The following RANBP2 variants were observed in gnomAD, a reference collection of about 807,000 sequenced individuals.
The protein encoded by RANBP2 is E3 SUMO-protein ligase RanBP2.
Under a neutral mutation model 303.6 loss-of-function variants are expected in RANBP2, and 57 were observed. The observed-to-expected ratio is 0.19, with a 90% CI of 0.15 to 0.23. The LOEUF is 0.23. RANBP2 is among the 10% of genes least tolerant of loss of function. RANBP2 has a pLI of 1.00. For synonymous variants in RANBP2, 1,167 were observed against 1,301.5 expected (o/e 0.90, Z 2.23); for missense variants, 3,138 against 3,780.8 (o/e 0.83, Z 4.46).
At chr2:108,798,816 TACACAC>T in the RANBP2 span, among the ~76,000 whole-genome samples, 530 of 131,632 alleles carry the variant, frequency 4.0e-3, 2 homozygotes, top group African/African-American at 0.012. Context: ...TCTCCACACC[TACACAC>T]ACACACACAC....
chr2:108,917,224 G>C, the RANBP2 span, among the ~76,000 whole-genome samples: 2 of 152,170 alleles, frequency 1.3e-5, no homozygotes, highest in African/African-American at 4.8e-5. Context: ...CGCGCGGCTC[G>C]TGTGGAAGCC....
chr2:109,198,122 G>A, the RANBP2 span, among the ~76,000 whole-genome samples: 2 of 152,168 alleles, frequency 1.3e-5, no homozygotes, highest in African/African-American at 4.8e-5. Flanking sequence ...AAGTCTCTCA[G>A]TACCCTAAGC....
the RANBP2 span, among the ~76,000 whole-genome samples, chr2:108,808,159 CT>C: frequency 2.6e-5 from 4 of 152,026 alleles, no homozygotes; most frequent in Non-Finnish European, 4.4e-5. Context: ...AGATTTTGTT[CT>C]TTTTCATAGC....
chr2:108,761,705 G>C (rs1166020022), intron 18 of RANBP2, among the ~76,000 whole-genome samples: 1 of 151,936 alleles, frequency 6.6e-6, no homozygotes, highest in African/African-American at 2.4e-5. Context: ...AGATTTTCTA[G>C]GCCCACTTCA....
At chr2:109,197,771 C>A in the RANBP2 span, among the ~76,000 whole-genome samples, 11 of 152,194 alleles carry the variant, frequency 7.2e-5, no homozygotes, top group Non-Finnish European at 1.5e-4. Flanking sequence ...ACTGGCCCTG[C>A]CTGAGGAAGC....
At chr2:109,435,394 A>G in the RANBP2 span, among the ~76,000 whole-genome samples, 1 of 152,258 alleles carries the variant, frequency 6.6e-6, no homozygotes, top group African/African-American at 2.4e-5. Context: ...CTTATCTGGC[A>G]GTGATTGGAG....
chr2:109,324,425 C>A, the RANBP2 span, among the ~76,000 whole-genome samples: 3 of 152,200 alleles, frequency 2.0e-5, no homozygotes, highest in Non-Finnish European at 4.4e-5. Flanking sequence ...TATGACATTC[C>A]AGTTTCTCCA....
chr2:109,239,222 C>T, the RANBP2 span, among the ~76,000 whole-genome samples: 1 of 151,836 alleles, frequency 6.6e-6, no homozygotes, highest in South Asian at 2.1e-4. Flanking sequence ...AGCTGGGGTC[C>T]GTAAATACGG....
the RANBP2 span, among the ~76,000 whole-genome samples, chr2:108,819,397 C>T: frequency 1.3e-5 from 2 of 152,234 alleles, no homozygotes; most frequent in Admixed American, 6.5e-5. Flanking sequence ...AAAGTCTGCC[C>T]ACAGGACTGG....
the RANBP2 span, chr2:108,812,530 G>T: frequency 1.2e-6 from 1 of 815,052 alleles, no homozygotes. Context: ...TTGTTACATT[G>T]GTTAGTAATA....
At chr2:108,719,940 G>C (rs1230848328) in intron 1 of RANBP2, among the ~76,000 whole-genome samples, 1 of 151,416 alleles carries the variant, frequency 6.6e-6, no homozygotes, top group Non-Finnish European at 1.5e-5. Flanking sequence ...GACGGTGCTC[G>C]CTCCTGGGGC....
chr2:109,684,399 G>T, the RANBP2 span, among the ~76,000 whole-genome samples: 3 of 151,124 alleles, frequency 2.0e-5, no homozygotes, highest in South Asian at 2.1e-4. Context: ...TGCCACCACG[G>T]CCGGCTAATT....
At chr2:109,138,974 TAA>T in the RANBP2 span, among the ~76,000 whole-genome samples, 1 of 152,180 alleles carries the variant, frequency 6.6e-6, no homozygotes, top group Non-Finnish European at 1.5e-5. Flanking sequence ...TGACATGTGG[TAA>T]TAAGAGACAT....
chr2:109,644,263 C>T, the RANBP2 span, among the ~76,000 whole-genome samples: 3 of 152,116 alleles, frequency 2.0e-5, no homozygotes, highest in South Asian at 2.1e-4. Flanking sequence ...GCTGACATCA[C>T]GCCACTGCAC....
the RANBP2 span, chr2:109,614,757 C>A: frequency 6.7e-7 from 1 of 1,481,616 alleles, no homozygotes; most frequent in Non-Finnish European, 8.9e-7. Flanking sequence ...GCCGTCCGAG[C>A]CCTCCGGGGA....
the RANBP2 span, among the ~76,000 whole-genome samples, chr2:109,646,489 G>A: frequency 1.3e-4 from 19 of 151,838 alleles, no homozygotes; most frequent in African/African-American, 3.6e-4. Context: ...ATTTGTAAAC[G>A]GCTAATAATT....
the RANBP2 span, among the ~76,000 whole-genome samples, chr2:109,265,137 A>AT: frequency 2.6e-5 from 4 of 150,990 alleles, no homozygotes; most frequent in African/African-American, 7.3e-5. Context: ...TGTGTGTTTT[A>AT]TTTTTTTTTC....
the RANBP2 span, among the ~76,000 whole-genome samples, chr2:108,993,155 C>T: frequency 1.3e-5 from 2 of 152,062 alleles, no homozygotes; most frequent in Non-Finnish European, 2.9e-5. Context: ...GTGTGAGGGG[C>T]GGTGCTTTGG....
chr2:109,318,398 G>A, the RANBP2 span, among the ~76,000 whole-genome samples: 8 of 152,224 alleles, frequency 5.3e-5, no homozygotes, highest in Admixed American at 6.5e-5. Context: ...AAGAAATGCC[G>A]CCGAGCGCCA....
Sources: allele counts gnomAD v4.1 joint callset (sites outside exome capture counted in the v4.1 genomes callset), GRCh38; gene constraint gnomAD v4.1.1; transcripts MANE v1.5; gene names NCBI Gene and HGNC (gene_info 2026-07-23, HGNC 2026-07-21).